The following VPS36 variants were observed in gnomAD, a reference collection of about 807,000 sequenced individuals.
VPS36 encodes vacuolar protein-sorting-associated protein 36.
Under a neutral mutation model 63.5 loss-of-function variants are expected in VPS36, and 31 were observed. The ratio of observed to expected loss-of-function variants is 0.49; its 90% CI spans 0.37 to 0.66. The LOEUF (loss-of-function observed/expected upper bound fraction) is 0.66. Ranked by LOEUF, VPS36 falls within the 30% of genes least tolerant of loss-of-function variation. The pLI is 0.00. For missense variants in VPS36, 338 were observed against 463.7 expected (o/e 0.73, Z 2.49); for synonymous variants, 138 against 157.2 (o/e 0.88, Z 0.91).
chr13:52,447,785 ATTT>A (rs11439849), intron 1 of VPS36, among the ~76,000 whole-genome samples: 1 of 145,378 alleles, frequency 6.9e-6, no homozygotes. Flanking sequence ...TTATGAAGTC[ATTT>A]TTTTTTTTTT....
chr13:52,435,037 T>C (rs1384710592), intron 4 of VPS36, among the ~76,000 whole-genome samples, 155 bp from the exon 5 acceptor site: 2 of 150,718 alleles, frequency 1.3e-5, no homozygotes, highest in African/African-American at 2.4e-5. Context: ...AATGGCGTGA[T>C]CTAGGCTCAC....
intron 6 of VPS36, chr13:52,429,210 G>A: frequency 2.1e-6 from 2 of 975,158 alleles, no homozygotes; most frequent in Non-Finnish European, 2.4e-6. Flanking sequence ...CCCTTAAGCT[G>A]ACTTACAGCA....
chr13:52,434,504 G>A (rs1230390844), intron 5 of VPS36, among the ~76,000 whole-genome samples: 4 of 152,028 alleles, frequency 2.6e-5, no homozygotes, highest in Admixed American at 1.3e-4. Context: ...GATTACAGGC[G>A]TGCACCAACC....
At position 52,439,167 on chromosome 13, in the gene VPS36, T is replaced by C. The variant is rs1211602507; in HGVS notation, c.167A>G (p.Glu56Gly). ...GGAAAGGAGAATGGCCATGCAACAC[T>C]CCTAGGAGGAAATCAATAGCTTAAA... is the stretch of plus-strand genomic sequence containing the variant. The part of the protein sequence containing the change: ...RLIWRDQKNH[E>G]CCMAILLSQI... Residue 56 changes from glutamate (E) to glycine (G), a missense_variant and splice_region_variant, in exon 3 of 14, where the codon GAG becomes GGG. Physicochemically the swap from Glu to Gly is moderately conservative, Grantham distance 98 (BLOSUM62 -2). Transcript: ENST00000378060. 6.2e-7 allele frequency: 1 copy of C among 1,613,028 alleles called. No individual in the cohort carries two copies. Among genetic ancestry groups the C allele is most frequent in the Non-Finnish European group, 8.5e-7 (1 of 1,179,600 alleles).
intron 1 of VPS36, among the ~76,000 whole-genome samples, chr13:52,449,745 C>T (rs970373783): frequency 6.6e-6 from 1 of 152,194 alleles, no homozygotes; most frequent in Non-Finnish European, 1.5e-5. Flanking sequence ...TATTTACTTA[C>T]ACTTCCTATT....
In VPS36 at chr13:52,414,098, A is replaced by G. The variant is rs1451635679; in HGVS notation, c.*1732T>C. The G allele has an allele frequency of 6.6e-6, 1 of 152,206 alleles. No homozygotes were observed. Among genetic ancestry groups the G allele is most frequent in the African/African-American group, 2.4e-5 (1 of 41,450 alleles). 9.4% of individuals were successfully genotyped at this position (152,206 alleles called of 1,614,324 possible). A position where few individuals can be genotyped will look rare whatever the true frequency, so the allele number is the denominator to read the frequency against. On this transcript the variant is annotated 3_prime_UTR_variant, in exon 14 of 14. Coordinates refer to ENST00000378060, the MANE Select transcript of VPS36 (RefSeq NM_016075.4). ...TAGCGCTAGATTGAGTAGCTCCAGC[A>G]ATCTTCCTTGCAACTCACTCCAGCT...
intron 10 of VPS36, among the ~76,000 whole-genome samples, chr13:52,422,397 T>TA (rs1958055840): frequency 1.3e-5 from 2 of 152,352 alleles, no homozygotes; most frequent in South Asian, 4.1e-4. Context: ...TTTGCTTTTT[T>TA]AAAAAATGTT....
rs1958289438 is a variant in VPS36 at position 52,442,433 on chromosome 13, C to T, written c.109G>A (p.Ala37Thr). 6.2e-7 allele frequency: 1 copy of T among 1,610,756 alleles called. No homozygotes were observed. The highest frequency in any genetic ancestry group is 8.5e-7 in the Non-Finnish European group (1 of 1,179,038). ...TGTGTACTAAGAAGGAGAGTCCCAGCATCAAATTTTATCTAGAAAGAAAGA... is the reference window on the plus strand; with the variant it reads ...TGTGTACTAAGAAGGAGAGTCCCAGTATCAAATTTTATCTAGAAAGAAAGA... The part of the protein sequence containing the change: ...YDGEEKIKFD[A>T]GTLLLSTHRL... The change falls in exon 2 of 14, where the codon GCT becomes ACT. Residue 37 changes from alanine to threonine, a missense_variant. Ala to Thr is a moderately conservative substitution (Grantham distance 58). Coordinates refer to ENST00000378060, the MANE Select transcript of VPS36 (RefSeq NM_016075.4).
At chr13:52,441,945 C>T (rs767102303) in intron 2 of VPS36, among the ~76,000 whole-genome samples, 2 of 152,082 alleles carry the variant, frequency 1.3e-5, no homozygotes, top group Non-Finnish European at 2.9e-5. Flanking sequence ...GGAATTATTC[C>T]ACTGTTACAC....
chr13:52,418,065 G>C lies in VPS36; in HGVS notation c.841-9C>G. On this transcript the variant is annotated splice_polypyrimidine_tract_variant and intron_variant, in intron 10 of 13. Transcript: ENST00000378060. ...TCTTCTGGTGAGAGCAACTAATAGG[G>C]AAAAAAAATCCAGTAATGCTATACA... The C allele has an allele frequency of 6.2e-7, 1 of 1,604,074 alleles. No individual in the cohort carries two copies. The highest frequency in any genetic ancestry group is 1.7e-5 in the Admixed American group (1 of 58,464).
chr13:52,429,253 G>A, intron 6 of VPS36: 2 of 985,148 alleles, frequency 2.0e-6, no homozygotes, highest in Non-Finnish European at 2.4e-6. Flanking sequence ...TATCACTTTG[G>A]CTATTAGCAT....
At chr13:52,427,993 TAAACAGGTATTACTTAACTG>T (rs1293136906) in intron 6 of VPS36, among the ~76,000 whole-genome samples, 1 of 152,178 alleles carries the variant, frequency 6.6e-6, no homozygotes, top group African/African-American at 2.4e-5. Context: ...ATTTTGGCTT[TAAACAGGTATTACTTAACTG>T]AAACAGTAAG....
At chr13:52,435,354 G>A (rs1300703629) in intron 4 of VPS36, among the ~76,000 whole-genome samples, 1 of 151,686 alleles carries the variant, frequency 6.6e-6, no homozygotes, top group South Asian at 2.1e-4. Context: ...AAAATCAAAG[G>A]AAGTTCTTTT....
At chr13:52,438,280 C>A (rs750826536) in intron 3 of VPS36, among the ~76,000 whole-genome samples, 4 of 151,902 alleles carry the variant, frequency 2.6e-5, no homozygotes, top group Non-Finnish European at 5.9e-5. Context: ...ATAAGAACAA[C>A]CTACCCTAAA....
chr13:52,450,161 C>G, intron 1 of VPS36: 1 of 1,008,202 alleles, frequency 9.9e-7, no homozygotes, highest in Non-Finnish European at 1.2e-6. Flanking sequence ...CGCCGCCCGG[C>G]GCCCGCAGAC....
chr13:52,442,475 A>G (rs756297585), intron 1 of VPS36, 30 bp from the exon 2 acceptor site: 4 of 1,585,872 alleles, frequency 2.5e-6, no homozygotes, highest in Non-Finnish European at 2.6e-6. Context: ...CAAAATATTA[A>G]TAACATATCA....
At chr13:52,434,994 G>A (rs1445142725) in intron 4 of VPS36, 112 bp from the exon 5 acceptor site, 8 of 987,228 alleles carry the variant, frequency 8.1e-6, no homozygotes, top group Non-Finnish European at 1.1e-5. Context: ...TTTTTGAGGT[G>A]GAGTTTTGTT....
In VPS36 at chr13:52,415,532, T is replaced by A. The variant is rs568195391; in HGVS notation, c.*298A>T. 5.5e-5 allele frequency: 13 copies of A among 235,962 alleles called. No individual in the cohort carries two copies. The East Asian group carries it at 1.1e-3, about 20-fold the overall frequency. 14.6% of individuals were successfully genotyped at this position (235,962 alleles called of 1,614,324 possible). On this transcript the variant is annotated 3_prime_UTR_variant, in exon 14 of 14. Coordinates refer to ENST00000378060, the MANE Select transcript of VPS36 (RefSeq NM_016075.4). Reference sequence around the variant, plus strand: ...CTGCAAAACTAAATTCCCTTCTTTATAAAATGATTAGATTTGAGGATCAAG... The same window carrying A: ...CTGCAAAACTAAATTCCCTTCTTTAAAAAATGATTAGATTTGAGGATCAAG...
At chr13:52,417,316 C>T (rs1221329923) in intron 11 of VPS36, among the ~76,000 whole-genome samples, 175 bp from the exon 12 acceptor site, 1 of 152,134 alleles carries the variant, frequency 6.6e-6, no homozygotes, top group East Asian at 1.9e-4. Flanking sequence ...CTCATGAATA[C>T]ACAGATAATA....
Sources: allele counts gnomAD v4.1 joint callset (sites outside exome capture counted in the v4.1 genomes callset), GRCh38; gene constraint gnomAD v4.1.1; transcripts MANE v1.5; gene names NCBI Gene and HGNC (gene_info 2026-07-23, HGNC 2026-07-21).